Variants in RNF130 observed in about 807,000 individuals in gnomAD.
The protein encoded by RNF130 is ring finger protein 130.
RNF130 carries 21 observed loss-of-function variants against 44.6 expected under a neutral mutation model. That is an observed-to-expected ratio of 0.47 (90% confidence interval 0.33 to 0.68). RNF130 has a LOEUF of 0.68. Among genes scored for constraint, RNF130 ranks in the 30% least tolerant of loss-of-function variants. The pLI is 0.02. For synonymous variants in RNF130, 214 were observed against 210.4 expected (o/e 1.02, Z -0.15); for missense variants, 479 against 560.6 (o/e 0.85, Z 1.47).
intron 7 of RNF130, chr5:179,920,456 A>G: frequency 2.9e-6 from 2 of 700,604 alleles, no homozygotes; most frequent in Non-Finnish European, 5.2e-6. Flanking sequence ...AAGAGACTTA[A>G]TAGGTCACCA....
intron 7 of RNF130, among the ~76,000 whole-genome samples, chr5:179,922,256 A>G (rs552476457): frequency 6.7e-6 from 1 of 149,398 alleles, no homozygotes; most frequent in East Asian, 1.9e-4. Flanking sequence ...TTCGTTTGTG[A>G]AGTGTTTTGT....
intron 3 of RNF130, among the ~76,000 whole-genome samples, chr5:179,983,919 A>C (rs1762897473): frequency 6.6e-6 from 1 of 152,130 alleles, no homozygotes; most frequent in Non-Finnish European, 1.5e-5. Context: ...ATTTCTTAAA[A>C]TTTAACTTTC....
At chr5:180,054,724 A>G (rs1397646328) in intron 1 of RNF130, among the ~76,000 whole-genome samples, 1 of 152,162 alleles carries the variant, frequency 6.6e-6, no homozygotes, top group Non-Finnish European at 1.5e-5. Flanking sequence ...TTTTACTTCC[A>G]TATGAAGTTC....
rs908880171 is a variant in RNF130 at position 180,008,237 on chromosome 5, G to A, written c.693+4824C>T. On this transcript the variant is annotated intron_variant, in intron 3 of 8. Transcript: ENST00000521389. ...AACTCCGCTAGCCAAAGTACCAAGA[G>A]AAGGATGGCCTAACATCAGAAAACA... Among the ~76,000 whole-genome samples the A allele has an allele frequency of 2.6e-5, 4 of 152,112 alleles. No individual in the cohort carries two copies. The South Asian group carries it at 6.2e-4, about 24-fold the overall frequency.
chr5:179,985,205 C>T (rs1762928038), intron 3 of RNF130, among the ~76,000 whole-genome samples: 1 of 114,982 alleles, frequency 8.7e-6, no homozygotes, highest in South Asian at 2.7e-4. Flanking sequence ...TCATGATTTC[C>T]TTGACTGGCT....
intron 7 of RNF130, among the ~76,000 whole-genome samples, chr5:179,924,720 T>C (rs749598967): frequency 1.3e-5 from 2 of 151,296 alleles, no homozygotes; most frequent in Non-Finnish European, 2.9e-5. Flanking sequence ...ACCTGGGAGG[T>C]GGAGGTTGCA....
chr5:180,045,689 T>C (rs1041728228), intron 1 of RNF130, among the ~76,000 whole-genome samples: 9 of 152,154 alleles, frequency 5.9e-5, no homozygotes, highest in African/African-American at 1.2e-4. Context: ...AGAGTGCTGA[T>C]TGGTGCATTT....
At chr5:179,942,833 C>A (rs17079821) in intron 7 of RNF130, among the ~76,000 whole-genome samples, 1 of 152,172 alleles carries the variant, frequency 6.6e-6, no homozygotes, top group Non-Finnish European at 1.5e-5. Context: ...TGACATATTT[C>A]CAGTTATGTG....
chr5:179,984,028 T>C (rs1269084838), intron 3 of RNF130, among the ~76,000 whole-genome samples: 1 of 152,182 alleles, frequency 6.6e-6, no homozygotes, highest in Non-Finnish European at 1.5e-5. Context: ...GAACTACAGG[T>C]GTGCACCATC....
At chr5:179,952,141 C>A (rs1013684397), downstream of RNF130, among the ~76,000 whole-genome samples, 1 of 151,794 alleles carries the variant, frequency 6.6e-6, no homozygotes, top group East Asian at 1.9e-4. Flanking sequence ...AAGGCTGCAG[C>A]GAGCTGAGAT....
chr5:180,064,403 C>T (rs1190301573), intron 1 of RNF130, among the ~76,000 whole-genome samples: 2 of 152,080 alleles, frequency 1.3e-5, no homozygotes, highest in Non-Finnish European at 2.9e-5. Context: ...ACACACCTGC[C>T]CCAGTCACCC....
rs27017 is a variant in RNF130 at position 179,977,375 on chromosome 5, G to A, written c.848+828C>T. 99,220 of 152,076 alleles carry A rather than the reference G, an allele frequency of 0.65. 33,784 individuals are homozygous for A. Among genetic ancestry groups the A allele is most frequent in the African/African-American group, 0.86 (35,876 of 41,498 alleles). The allele number at this position is 152,076 out of a possible 1,614,324, so 9.4% of individuals were successfully genotyped here. A position where few individuals can be genotyped will look rare whatever the true frequency, so the allele number is the denominator to read the frequency against. On this transcript the variant is annotated intron_variant, in intron 5 of 8. Transcript: ENST00000521389. This position sits in a 1 kb window ranked among gnomAD's most constrained non-coding sequence, Gnocchi z 4.1. ...CGATGGAAGTCTCACTGAAGGGCTT[G>A]GAGATGTAGTCTAAGATGGAGAGGA...
intron 3 of RNF130, among the ~76,000 whole-genome samples, chr5:180,012,161 G>C (rs1043813194): frequency 2.0e-5 from 3 of 152,186 alleles, no homozygotes; most frequent in Admixed American, 6.5e-5. Flanking sequence ...GTGCAGGAGG[G>C]ATGTGAGCTG....
intron 1 of RNF130, among the ~76,000 whole-genome samples, chr5:180,043,007 A>G (rs1330435075): frequency 6.6e-6 from 1 of 152,206 alleles, no homozygotes; most frequent in Non-Finnish European, 1.5e-5. Flanking sequence ...AGAATTTTAC[A>G]CGTGAAAAAG....
At chr5:179,923,060 C>T (rs555528637) in intron 7 of RNF130, among the ~76,000 whole-genome samples, 2 of 152,080 alleles carry the variant, frequency 1.3e-5, no homozygotes, top group Admixed American at 6.6e-5. Context: ...TTGGTAAGAT[C>T]AAATTTATTG....
At chr5:179,985,436 C>T (rs1762931873) in intron 3 of RNF130, among the ~76,000 whole-genome samples, 1 of 151,926 alleles carries the variant, frequency 6.6e-6, no homozygotes, top group Admixed American at 6.6e-5. Context: ...TCCTTAGGAC[C>T]CCCTGCTCTA....
chr5:179,978,223 G>A lies in RNF130; in HGVS notation c.828C>T (p.Val276=), dbSNP rs540538164. 29 of 1,613,662 alleles carry A rather than the reference G, an allele frequency of 1.8e-5. No individual in the cohort carries two copies. Among genetic ancestry groups the A allele is most frequent in the South Asian group, 1.2e-4 (11 of 91,078 alleles). The change falls in exon 5 of 9, where the codon GTC becomes GTT. Residue 276 remains valine, a synonymous_variant. Transcript: ENST00000521389. ...CATACTTGCAGGGGAGAATTCGGAC[G>A]ACATCATTCTGCTTATAGCTCTCTA... ...VCIESYKQND[V]VRILPCKHVF...
At chr5:180,010,108 A>G (rs565708903) in intron 3 of RNF130, among the ~76,000 whole-genome samples, 13 of 152,046 alleles carry the variant, frequency 8.6e-5, no homozygotes, top group East Asian at 5.9e-4. Context: ...TTAGCCAGGC[A>G]CGGTGGCAGG....
chr5:179,986,193 T>C (rs948424238), intron 3 of RNF130, among the ~76,000 whole-genome samples: 6 of 152,248 alleles, frequency 3.9e-5, no homozygotes, highest in Admixed American at 2.0e-4. Flanking sequence ...TATAAAGTTT[T>C]TGTGCCTGTT....
Sources: gnomAD v4.1 joint callset for allele counts (sites outside exome capture counted in the v4.1 genomes callset) on GRCh38, gnomAD v4.1.1 for gene constraint, Gnocchi (gnomAD v3.1) non-coding constraint, MANE v1.5 for transcripts, NCBI Gene and HGNC (gene_info 2026-07-23, HGNC 2026-07-21) for gene names.